EXPH5: variants seen among roughly 807,000 people sequenced by gnomAD.
The protein encoded by EXPH5 is exophilin 5.
In EXPH5, 42 loss-of-function variants were observed where a neutral mutation model predicts 41.1. The ratio of observed to expected loss-of-function variants is 1.02; its 90% CI spans 0.80 to 1.32. EXPH5 has a LOEUF of 1.32. Ranked by LOEUF, EXPH5 falls within the 40% of genes most tolerant of loss-of-function variation. The probability of loss-of-function intolerance (pLI) is 0.00; values close to 1 mark genes in which losing one functional copy is unlikely to be tolerated. For synonymous variants in EXPH5, 798 were observed against 833.5 expected (o/e 0.96, Z 0.73); for missense variants, 2,298 against 2,314.5 (o/e 0.99, Z 0.15).
the EXPH5 span, among the ~76,000 whole-genome samples, chr11:108,607,028 G>T: frequency 1.3e-5 from 2 of 152,162 alleles, no homozygotes; most frequent in African/African-American, 4.8e-5. Context: ...GTCTCAGGAA[G>T]TTCTTTGAAA....
chr11:108,535,200 A>C (rs1366129674), intron 3 of EXPH5, among the ~76,000 whole-genome samples: 8 of 152,170 alleles, frequency 5.3e-5, no homozygotes, highest in Non-Finnish European at 1.2e-4. Context: ...AAATAAGTAA[A>C]GCTCCCTGTG....
At chr11:108,585,690 T>C (rs1183863482) in intron 1 of EXPH5, among the ~76,000 whole-genome samples, 1 of 152,188 alleles carries the variant, frequency 6.6e-6, no homozygotes, top group Non-Finnish European at 1.5e-5. Flanking sequence ...GGTACAGCTG[T>C]GGGAAAAACA....
In EXPH5 at chr11:108,512,801, A is replaced by G; in HGVS notation, c.2706T>C (p.Ser902=). Residue 902 remains serine (S), a synonymous_variant, in exon 6 of 6, where the codon TCT becomes TCC. Transcript: ENST00000265843. ...GACTTCTCCTGGAGAACACTGTAGT[A>G]GATGGAACCACAGGAGCATCAAGGG... The part of the protein sequence containing the change: ...NSSLDAPVVP[S]TTVFSRRSPS... 4 of 1,614,192 alleles carry G rather than the reference A, an allele frequency of 2.5e-6. No individual in the cohort carries two copies. The highest frequency in any genetic ancestry group is 3.4e-6 in the Non-Finnish European group (4 of 1,180,024).
At chr11:108,601,187 A>G in the EXPH5 span, among the ~76,000 whole-genome samples, 2 of 152,164 alleles carry the variant, frequency 1.3e-5, no homozygotes, top group Non-Finnish European at 2.9e-5. Flanking sequence ...TCTTGCTAAA[A>G]CCTATTAAAC....
chr11:108,550,642 G>A (rs189095379), intron 1 of EXPH5, among the ~76,000 whole-genome samples: 4 of 152,172 alleles, frequency 2.6e-5, no homozygotes, highest in African/African-American at 4.8e-5. Context: ...AGCTGGGCGT[G>A]GTGGTGCATG....
rs2640776 is a variant in EXPH5 at position 108,548,217 on chromosome 11, G to A, written c.120-6405C>T. On this transcript the variant is annotated intron_variant, in intron 1 of 5. Transcript: ENST00000265843. Reference sequence around the variant, plus strand: ...CATTTTTCTTATGTGTTTTAAATAAGAAAGTTTTTGACTTTTTTTTCTTTT... The same window carrying A: ...CATTTTTCTTATGTGTTTTAAATAAAAAAGTTTTTGACTTTTTTTTCTTTT... 5.6e-5 allele frequency among the ~76,000 whole-genome samples: 7 copies of A among 125,942 alleles called. No homozygotes were observed. The East Asian group carries it at 1.8e-3, about 32-fold the overall frequency. The allele number at this position is 125,942 out of a possible 152,430, so 82.6% of individuals were successfully genotyped here. A position where few individuals can be genotyped will look rare whatever the true frequency, so the allele number is the denominator to read the frequency against.
intron 4 of EXPH5, 126 bp downstream of exon 4, chr11:108,528,010 G>A (rs906450877): frequency 3.4e-4 from 207 of 616,998 alleles, no homozygotes; most frequent in Non-Finnish European, 4.3e-4. Flanking sequence ...CTCTTAGGGA[G>A]AAATCCAAGC....
chr11:108,560,325 T>A (rs1022748407), intron 1 of EXPH5, among the ~76,000 whole-genome samples: 2 of 152,232 alleles, frequency 1.3e-5, no homozygotes, highest in African/African-American at 4.8e-5. Context: ...TTCAAAGAGT[T>A]AACTTTTGAA....
Position 108,509,938 on chromosome 11 carries a change from AG to A in EXPH5, c.5568del (p.Ser1857ProfsTer39). 6.2e-7 allele frequency: 1 copy of A among 1,611,950 alleles called. No individual in the cohort carries two copies. The highest frequency in any genetic ancestry group is 8.5e-7 in the Non-Finnish European group (1 of 1,179,296). On this transcript the variant is annotated frameshift_variant, in exon 6 of 6. Coordinates refer to ENST00000265843, the MANE Select transcript of EXPH5 (RefSeq NM_015065.3). LOFTEE classifies it high-confidence loss of function. ...GCCCAACTTTCATTTCCATCACAGG[AG>A]GGGAGTTCAGAAAAAGATCTGAATC... Reference protein sequence around the residue: ...SRRFRSFSELPSCDGNESWAY... With the variant: ...SRRFRSFSELXSCDGNESWAY...
rs751142311 is a variant in EXPH5 at position 108,539,104 on chromosome 11, G to A, written c.363C>T (p.Phe121=). 8 of 1,612,170 alleles carry A rather than the reference G, an allele frequency of 5.0e-6. No individual in the cohort carries two copies. Among genetic ancestry groups the A allele is most frequent in the Middle Eastern group, 1.7e-4 (1 of 6,054 alleles). Residue 121 remains phenylalanine (F), a synonymous_variant, in exon 3 of 6, where the codon TTC becomes TTT. Coordinates refer to ENST00000265843, the MANE Select transcript of EXPH5 (RefSeq NM_015065.3). ...KPTPFSSRMS[F]RSSFASLFSF... is the part of the protein sequence containing the mutation. ...AGAACAGGGAAGCAAATGACGATCT[G>A]AAGCTCATCCGGGAAGAAAAAGGTG...
intron 3 of EXPH5, chr11:108,537,836 G>A (rs936263511): frequency 4.9e-5 from 14 of 284,650 alleles, no homozygotes; most frequent in Admixed American, 1.3e-4. Context: ...GCTATACCAC[G>A]CAGTGGAAAT....
At chr11:108,564,230 G>A (rs1028749380) in intron 1 of EXPH5, among the ~76,000 whole-genome samples, 2 of 152,166 alleles carry the variant, frequency 1.3e-5, no homozygotes, top group Non-Finnish European at 2.9e-5. Context: ...AGAGGTTGCA[G>A]TGAGCTGAGA....
intron 4 of EXPH5, among the ~76,000 whole-genome samples, chr11:108,527,008 AAAG>A (rs1013683923): frequency 1.3e-4 from 20 of 152,074 alleles, no homozygotes; most frequent in African/African-American, 4.3e-4. Flanking sequence ...TATCACCCAG[AAAG>A]AAGTAGTGTA....
At position 108,510,991 on chromosome 11, in the gene EXPH5, G is replaced by A. The variant is rs1182920665; in HGVS notation, c.4516C>T (p.Gln1506Ter). 6.2e-7 allele frequency: 1 copy of A among 1,614,136 alleles called. No homozygotes were observed. The highest frequency in any genetic ancestry group is 8.5e-7 in the Non-Finnish European group (1 of 1,180,028). ...AATGCTGGAGTAAGGGCAAAGACTT[G>A]ACTCTCTGAGTGAGAAAGTGTTTTA... Reference protein sequence around the residue: ...TNKTLSHSESQVFALTPALHK... With the variant: ...TNKTLSHSES The change falls in exon 6 of 6, where the codon CAA (glutamine) becomes TAA (stop). Residue 1506 changes from glutamine to a stop codon, truncating the protein, a stop_gained. Coordinates refer to ENST00000265843, the MANE Select transcript of EXPH5 (RefSeq NM_015065.3). LOFTEE classifies it low-confidence loss of function (END_TRUNC).
intron 1 of EXPH5, among the ~76,000 whole-genome samples, chr11:108,558,635 AAAATG>A (rs1269099815): frequency 6.6e-6 from 1 of 152,252 alleles, no homozygotes; most frequent in Non-Finnish European, 1.5e-5. Flanking sequence ...TTACATGATT[AAAATG>A]AAATGAACAG....
intron 4 of EXPH5, among the ~76,000 whole-genome samples, chr11:108,519,695 C>G (rs2093751757): frequency 6.6e-6 from 1 of 151,446 alleles, no homozygotes. Flanking sequence ...TTGTAGTGAG[C>G]TAAAATCATG....
Position 108,514,513 on chromosome 11 carries a change from G to A in EXPH5, c.994C>T (p.Pro332Ser), listed in dbSNP as rs1322647237. 1 of 1,612,728 alleles carries A rather than the reference G, an allele frequency of 6.2e-7. No individual in the cohort carries two copies. The highest frequency in any genetic ancestry group is 1.7e-5 in the Admixed American group (1 of 59,892). ...CFDSRQRSAL[P>S]ATGHFTARSL... Reference sequence around the variant, plus strand: ...CTTGCTGTGAAATGCCCTGTGGCTGGTAAGGCCGACCGTTGCCTGCTGTCA... The same window carrying A: ...CTTGCTGTGAAATGCCCTGTGGCTGATAAGGCCGACCGTTGCCTGCTGTCA... Residue 332 changes from proline to serine, a missense_variant, in exon 6 of 6, where the codon CCA becomes TCA. Physicochemically the swap from Pro to Ser is moderately conservative, Grantham distance 74. Transcript: ENST00000265843.
At position 108,536,836 on chromosome 11, in the gene EXPH5, C is replaced by A. The variant is rs141421084; in HGVS notation, c.443+2188G>T. 3.3e-5 allele frequency among the ~76,000 whole-genome samples: 5 copies of A among 152,240 alleles called. No individual in the cohort carries two copies. In the South Asian group the frequency reaches 6.2e-4, roughly 19 times the overall value. ...TAAAGTGCTGATCAGAATTCTTTCG[C>A]CTTGTATTGATTCTTTTTCTCTGAT... On this transcript the variant is annotated intron_variant, in intron 3 of 5. Coordinates refer to ENST00000265843, the MANE Select transcript of EXPH5 (RefSeq NM_015065.3).
At chr11:108,569,941 GCTTAT>G (rs1260794777) in intron 1 of EXPH5, among the ~76,000 whole-genome samples, 2 of 152,326 alleles carry the variant, frequency 1.3e-5, no homozygotes, top group African/African-American at 4.8e-5. Flanking sequence ...AAATGGAGGA[GCTTAT>G]CATACCCGGC....
Sources: gnomAD v4.1 joint callset for allele counts (sites outside exome capture counted in the v4.1 genomes callset) on GRCh38, gnomAD v4.1.1 for gene constraint, MANE v1.5 for transcripts, NCBI Gene and HGNC (gene_info 2026-07-23, HGNC 2026-07-21) for gene names.